Variants in PLA2G4A observed in about 807,000 individuals in gnomAD.
The protein encoded by PLA2G4A is phospholipase A2 group IVA, also known as cytosolic phospholipase A2.
In PLA2G4A, 40 loss-of-function variants were observed where a neutral mutation model predicts 81.9. The observed-to-expected ratio is 0.49, with a 90% CI of 0.38 to 0.64. The LOEUF is 0.64. Ranked by LOEUF, PLA2G4A falls within the 30% of genes least tolerant of loss-of-function variation. PLA2G4A has a pLI of 0.00. For missense variants in PLA2G4A, 715 were observed against 905.1 expected (o/e 0.79, Z 2.69); for synonymous variants, 302 against 296.9 (o/e 1.02, Z -0.18).
chr1:186,844,026 A>T (rs562081303), intron 1 of PLA2G4A, among the ~76,000 whole-genome samples: 1 of 152,192 alleles, frequency 6.6e-6, no homozygotes, highest in African/African-American at 2.4e-5. Flanking sequence ...AACAGTATGG[A>T]TATCAGCCAT....
intron 7 of PLA2G4A, among the ~76,000 whole-genome samples, chr1:186,927,191 T>C (rs1007620122): frequency 1.3e-5 from 2 of 152,174 alleles, no homozygotes; most frequent in Non-Finnish European, 2.9e-5. Context: ...CTTGAAGTGA[T>C]TTCTTCACAC....
chr1:186,879,988 C>T (rs1048121835), intron 3 of PLA2G4A, among the ~76,000 whole-genome samples: 8 of 152,022 alleles, frequency 5.3e-5, no homozygotes, highest in Admixed American at 1.3e-4. Context: ...ATCCCTCCCT[C>T]CTCCTCCCAC....
chr1:186,900,250 C>A (rs557194039), intron 5 of PLA2G4A, among the ~76,000 whole-genome samples: 2 of 152,228 alleles, frequency 1.3e-5, no homozygotes, highest in South Asian at 2.1e-4. Flanking sequence ...CTGCCTTTGC[C>A]GTGCATCCTC....
chr1:186,944,868 G>A (rs2102229932), intron 10 of PLA2G4A, among the ~76,000 whole-genome samples: 1 of 152,058 alleles, frequency 6.6e-6, no homozygotes, highest in South Asian at 2.1e-4. Context: ...ACATTGAGTG[G>A]GATAAATGAA....
chr1:186,946,856 T>G lies in PLA2G4A; in HGVS notation c.1172-13T>G. On this transcript the variant is annotated splice_polypyrimidine_tract_variant and intron_variant, in intron 11 of 17. Transcript: ENST00000367466. ...GATATTTTAAGTTATTTTCTGTTTC[T>G]GTTTTATTTTAGGTGTCTGGGGCAG... 1 of 1,606,334 alleles carries G rather than the reference T, an allele frequency of 6.2e-7. No individual in the cohort carries two copies.
chr1:186,873,427 G>T (rs61810972), intron 3 of PLA2G4A, among the ~76,000 whole-genome samples: 1 of 151,902 alleles, frequency 6.6e-6, no homozygotes, highest in East Asian at 1.9e-4. Flanking sequence ...ATCCTCTTCT[G>T]TTGTTGATAG....
chr1:186,877,685 T>TAAGGCCTG (rs1279478014), intron 3 of PLA2G4A, among the ~76,000 whole-genome samples: 1 of 99,684 alleles, frequency 1.0e-5, no homozygotes, highest in Non-Finnish European at 1.8e-5. Context: ...CTTTTAAGAC[T>TAAGGCCTG]AAGGCCTGAG....
At chr1:186,963,161 G>C (rs1028722312) in intron 14 of PLA2G4A, among the ~76,000 whole-genome samples, 1 of 152,094 alleles carries the variant, frequency 6.6e-6, no homozygotes, top group African/African-American at 2.4e-5. Context: ...TAGGATAAAT[G>C]TAAGTAACCA....
intron 1 of PLA2G4A, among the ~76,000 whole-genome samples, chr1:186,839,131 A>T (rs551020133): frequency 1.3e-5 from 2 of 152,206 alleles, no homozygotes; most frequent in African/African-American, 4.8e-5. Context: ...CATAAAAATG[A>T]TTTAGTTTTA....
intron 10 of PLA2G4A, among the ~76,000 whole-genome samples, chr1:186,945,181 G>A (rs1345898482): frequency 6.6e-6 from 1 of 152,154 alleles, no homozygotes; most frequent in Non-Finnish European, 1.5e-5. Context: ...ACTGCAGAAG[G>A]GAATAGCAAG....
chr1:186,956,438 AT>A, intron 14 of PLA2G4A, 94 bp downstream of exon 14: 1 of 1,124,078 alleles, frequency 8.9e-7, no homozygotes, highest in Non-Finnish European at 1.4e-6. Context: ...ACACTTACTC[AT>A]TTATTATCAG....
chr1:186,956,270 A>C lies in PLA2G4A; in HGVS notation c.1505A>C (p.Tyr502Ser), dbSNP rs1400556637. The change falls in exon 14 of 18, where the codon TAT becomes TCT. Residue 502 changes from tyrosine (Y) to serine (S), a missense_variant. Tyr to Ser is a moderately radical substitution (Grantham distance 144, BLOSUM62 -2). Transcript: ENST00000367466. ...FMLGLNLNTS[Y>S]PLSPLSDFAT... ...CTGGGCTTGAATCTCAATACATCTT[A>C]TCCACTGTCTCCTTTGAGTGACTTT... is the stretch of plus-strand genomic sequence containing the variant. 1 of 1,613,644 alleles carries C rather than the reference A, an allele frequency of 6.2e-7. No individual in the cohort carries two copies. The highest frequency in any genetic ancestry group is 8.5e-7 in the Non-Finnish European group (1 of 1,179,576).
intron 12 of PLA2G4A, among the ~76,000 whole-genome samples, chr1:186,947,410 C>T (rs1656383572): frequency 6.6e-6 from 1 of 151,902 alleles, no homozygotes; most frequent in South Asian, 2.1e-4. Context: ...TTAATCTATA[C>T]CCAAAAGAAG....
At chr1:186,862,490 G>A (rs1417710124) in intron 2 of PLA2G4A, among the ~76,000 whole-genome samples, 2 of 152,140 alleles carry the variant, frequency 1.3e-5, no homozygotes, top group Non-Finnish European at 2.9e-5. Context: ...GGGATTACAG[G>A]CCTGAGCCAT....
intron 3 of PLA2G4A, among the ~76,000 whole-genome samples, chr1:186,883,020 TG>T (rs1653796461): frequency 6.6e-6 from 1 of 152,126 alleles, no homozygotes; most frequent in South Asian, 2.1e-4. Context: ...TATTAATTTT[TG>T]TCTTACATTT....
chr1:186,839,453 C>A (rs1651900374), intron 1 of PLA2G4A, among the ~76,000 whole-genome samples: 1 of 152,112 alleles, frequency 6.6e-6, no homozygotes, highest in Admixed American at 6.6e-5. Flanking sequence ...TTCTCATTGG[C>A]AAAATGAAGG....
intron 7 of PLA2G4A, among the ~76,000 whole-genome samples, chr1:186,924,746 C>T (rs1329197637): frequency 2.6e-5 from 4 of 151,988 alleles, no homozygotes; most frequent in African/African-American, 9.7e-5. Flanking sequence ...ATGAGAAATA[C>T]GTTTTTCTAG....
In PLA2G4A at chr1:186,859,773, T is replaced by A. The variant is rs1484647432; in HGVS notation, c.33+5386T>A. On this transcript the variant is annotated intron_variant, in intron 2 of 17. Transcript: ENST00000367466. ...ACTAGTGTTCTGGTAGGAGTTCTAGTCTTAACCAGTTACATGATCATGGAC... is the reference window on the plus strand; with the variant it reads ...ACTAGTGTTCTGGTAGGAGTTCTAGACTTAACCAGTTACATGATCATGGAC... Among the ~76,000 whole-genome samples the A allele has an allele frequency of 2.0e-5, 3 of 152,150 alleles. No homozygotes were observed. The South Asian group carries it at 6.2e-4, about 32-fold the overall frequency.
chr1:186,956,301 A>G lies in PLA2G4A; in HGVS notation c.1536A>G (p.Thr512=). ...YPLSPLSDFA[T]QDSFDDDELD... ...TGTCTCCTTTGAGTGACTTTGCCAC[A>G]CAGGACTCCTTTGATGATGATGAAC... is the stretch of plus-strand genomic sequence containing the variant. The change falls in exon 14 of 18, where the codon ACA becomes ACG. Residue 512 remains threonine, a synonymous_variant. Transcript: ENST00000367466. 1 of 1,613,776 alleles carries G rather than the reference A, an allele frequency of 6.2e-7. No homozygotes were observed. Among genetic ancestry groups the G allele is most frequent in the Non-Finnish European group, 8.5e-7 (1 of 1,179,668 alleles).
Sources: allele counts gnomAD v4.1 joint callset (sites outside exome capture counted in the v4.1 genomes callset), GRCh38; gene constraint gnomAD v4.1.1; transcripts MANE v1.5; gene names NCBI Gene and HGNC (gene_info 2026-07-23, HGNC 2026-07-21).